The following ADK variants were observed in gnomAD, a reference collection of about 807,000 sequenced individuals.
The protein encoded by ADK is adenosine kinase.
In ADK, 24 loss-of-function variants were observed where a neutral mutation model predicts 44.7. The ratio of observed to expected loss-of-function variants is 0.54; its 90% CI spans 0.39 to 0.76. The LOEUF (loss-of-function observed/expected upper bound fraction) is 0.76. Ranked by LOEUF, ADK falls within the 30% of genes least tolerant of loss-of-function variation. ADK has a pLI of 0.00. For synonymous variants in ADK, 128 were observed against 142.6 expected (o/e 0.90, Z 0.73); for missense variants, 321 against 425.1 (o/e 0.76, Z 2.15).
At chr10:74,302,641 T>C (rs1340775847) in intron 3 of ADK, among the ~76,000 whole-genome samples, 1 of 151,982 alleles carries the variant, frequency 6.6e-6, no homozygotes, top group African/African-American at 2.4e-5. Flanking sequence ...CAAAAATATT[T>C]TAAAATGAGC....
Position 74,176,409 on chromosome 10 carries a change from T to C in ADK, c.66-24355T>C, listed in dbSNP as rs956576744. The C allele has an allele frequency of 8.1e-6, 8 of 991,066 alleles. No individual in the cohort carries two copies. The African/African-American group carries it at 1.2e-4, about 15-fold the overall frequency. The allele number at this position is 991,066 out of a possible 1,614,324, so 61.4% of individuals were successfully genotyped here. A position where few individuals can be genotyped will look rare whatever the true frequency, so the allele number is the denominator to read the frequency against. ...GAAGACCTGCCCTGACAGCGCCTCT[T>C]TCCTAAGTGCTGTTACAGGGAGCTG... On this transcript the variant is annotated intron_variant, in intron 1 of 10. Transcript: ENST00000539909.
intron 1 of ADK, among the ~76,000 whole-genome samples, chr10:74,197,016 T>C (rs1843179190): frequency 6.6e-6 from 1 of 152,200 alleles, no homozygotes. Flanking sequence ...TAGCACCTTC[T>C]TCATTTATAT....
At chr10:74,246,579 C>T (rs1845423717) in intron 3 of ADK, among the ~76,000 whole-genome samples, 1 of 152,140 alleles carries the variant, frequency 6.6e-6, no homozygotes, top group South Asian at 2.1e-4. Context: ...ACAGAGGAAA[C>T]TTCATTATCA....
At chr10:74,160,835 G>A (rs182786183) in intron 1 of ADK, among the ~76,000 whole-genome samples, 1 of 152,102 alleles carries the variant, frequency 6.6e-6, no homozygotes, top group Admixed American at 6.6e-5. Context: ...AACTCCGACA[G>A]GACCTTGTAG....
chr10:74,161,562 C>T (rs1287940126), intron 1 of ADK, among the ~76,000 whole-genome samples: 1 of 151,642 alleles, frequency 6.6e-6, no homozygotes, highest in African/African-American at 2.4e-5. Flanking sequence ...GACAGGGTTT[C>T]ACTATGTTGC....
rs544065811 is a variant in ADK, at chr10:74,463,949, C to G, written c.556-61307C>G. Among the ~76,000 whole-genome samples the G allele has an allele frequency of 3.9e-5, 6 of 152,102 alleles. No homozygotes were observed. The South Asian group carries it at 1.3e-3, about 32-fold the overall frequency. On this transcript the variant is annotated intron_variant, in intron 6 of 10. Coordinates refer to ENST00000539909, the MANE Select transcript of ADK (RefSeq NM_006721.4). ...CAGAGCCTAAATGTAAGAGAAATGT[C>G]CTAAGCAAAACTTATTAACAGGAAA... is the stretch of plus-strand genomic sequence containing the variant.
chr10:74,430,245 C>T (rs749410319), intron 6 of ADK, among the ~76,000 whole-genome samples: 3 of 152,070 alleles, frequency 2.0e-5, no homozygotes, highest in Non-Finnish European at 2.9e-5. Flanking sequence ...CTCAGTTTCT[C>T]GAGGTAACTT....
At chr10:74,547,376 T>A (rs1849858490) in intron 7 of ADK, among the ~76,000 whole-genome samples, 2 of 150,928 alleles carry the variant, frequency 1.3e-5, no homozygotes, top group African/African-American at 4.8e-5. Context: ...TCAACTGTTC[T>A]GTGTATGTAA....
chr10:74,528,098 G>T, intron 7 of ADK: 1 of 1,067,402 alleles, frequency 9.4e-7, no homozygotes, highest in Non-Finnish European at 1.4e-6. Flanking sequence ...AAACTGGTAT[G>T]TCCATGATCC....
chr10:74,630,061 A>G (rs1216388535), intron 9 of ADK, among the ~76,000 whole-genome samples: 2 of 152,174 alleles, frequency 1.3e-5, no homozygotes, highest in Admixed American at 1.3e-4. Context: ...CATTGGTCTT[A>G]AATTTTTTAA....
intron 4 of ADK, among the ~76,000 whole-genome samples, chr10:74,385,017 T>C (rs960072841): frequency 2.0e-5 from 3 of 152,120 alleles, no homozygotes; most frequent in Non-Finnish European, 4.4e-5. Context: ...AATGGTTGCA[T>C]GGTTGGGAGG....
intron 2 of ADK, among the ~76,000 whole-genome samples, chr10:74,203,128 A>C (rs1051080586): frequency 2.0e-5 from 3 of 152,208 alleles, no homozygotes; most frequent in South Asian, 2.1e-4. Context: ...TTTTTGTATA[A>C]GGTATGAAAT....
At chr10:74,470,026 T>A (rs1846507518) in intron 6 of ADK, among the ~76,000 whole-genome samples, 1 of 141,598 alleles carries the variant, frequency 7.1e-6, no homozygotes, top group African/African-American at 2.7e-5. Flanking sequence ...TATACCACCT[T>A]TTTTTTTTTT....
rs542206219 is a variant in ADK, at chr10:74,188,221, C to CA, written c.66-12542dup. ...ATGAACTGCTGTATGTCTCCATTTG[C>CA]ATTCTTGATGTTGGTACTTCTTTTG... is the stretch of plus-strand genomic sequence containing the variant. On this transcript the variant is annotated intron_variant, in intron 1 of 10. Coordinates refer to ENST00000539909, the MANE Select transcript of ADK (RefSeq NM_006721.4). Among the ~76,000 whole-genome samples the CA allele has an allele frequency of 5.8e-4, 88 of 152,036 alleles. 1 individual carries two copies. Among genetic ancestry groups the CA allele is most frequent in the South Asian group, 5.0e-3 (24 of 4,820 alleles).
At chr10:74,647,372 T>A (rs749579272) in intron 9 of ADK, among the ~76,000 whole-genome samples, 1 of 152,208 alleles carries the variant, frequency 6.6e-6, no homozygotes, top group African/African-American at 2.4e-5. Flanking sequence ...ATTTGGGGGA[T>A]GCTAAGAACT....
intron 6 of ADK, among the ~76,000 whole-genome samples, chr10:74,409,201 A>G (rs1035817197): frequency 2.6e-5 from 4 of 152,208 alleles, no homozygotes; most frequent in African/African-American, 7.2e-5. Context: ...TTAGAAATCT[A>G]TGCGTTATTT....
At chr10:74,356,746 A>T (rs1842159958) in intron 4 of ADK, among the ~76,000 whole-genome samples, 1 of 152,204 alleles carries the variant, frequency 6.6e-6, no homozygotes, top group African/African-American at 2.4e-5. Flanking sequence ...AACATTATTA[A>T]TCCCATTTAC....
chr10:74,493,445 T>C (rs1057502185), intron 6 of ADK, among the ~76,000 whole-genome samples: 1 of 151,272 alleles, frequency 6.6e-6, no homozygotes, highest in South Asian at 2.1e-4. Flanking sequence ...TATATATATA[T>C]ATATCTCATC....
chr10:74,200,458 T>C (rs1294951019), intron 1 of ADK, among the ~76,000 whole-genome samples: 2 of 141,848 alleles, frequency 1.4e-5, no homozygotes, highest in Non-Finnish European at 3.0e-5. Flanking sequence ...CACTCCGGCC[T>C]GGGCGACAAG....
Sources: allele counts gnomAD v4.1 joint callset (sites outside exome capture counted in the v4.1 genomes callset), GRCh38; gene constraint gnomAD v4.1.1; transcripts MANE v1.5; gene names NCBI Gene and HGNC (gene_info 2026-07-23, HGNC 2026-07-21).